Variants in ESRRG observed in about 807,000 individuals in gnomAD.
ESRRG encodes the protein estrogen-related receptor gamma.
In ESRRG, 13 loss-of-function variants were observed where a neutral mutation model predicts 44.0. The observed-to-expected ratio is 0.30, with a 90% CI of 0.19 to 0.47. ESRRG has a LOEUF of 0.47. Among genes scored for constraint, ESRRG ranks in the 20% least tolerant of loss-of-function variants. ESRRG has a pLI of 1.00. For missense variants in ESRRG, 395 were observed against 580.6 expected (o/e 0.68, Z 3.29); for synonymous variants, 215 against 214.6 (o/e 1.00, Z -0.02).
chr1:216,784,418 A>G (rs1442122413), intron 2 of ESRRG, among the ~76,000 whole-genome samples: 1 of 152,088 alleles, frequency 6.6e-6, no homozygotes, highest in East Asian at 1.9e-4. Flanking sequence ...ATAGTAAAAG[A>G]AAGAAATCCT....
chr1:216,582,765 G>A (rs1268956962), intron 3 of ESRRG, among the ~76,000 whole-genome samples: 1 of 152,124 alleles, frequency 6.6e-6, no homozygotes, highest in Non-Finnish European at 1.5e-5. Flanking sequence ...TCTTCTGTTG[G>A]CCTGGACACT....
rs571194408 is a variant in ESRRG at position 216,607,800 on chromosome 1, G to A, written c.590-39702C>T. ...TAAGTGCCTGAATATCATAATCCTTGCAATCAATTCTTTGCGTGGCTTTTT... is the reference window on the plus strand; with the variant it reads ...TAAGTGCCTGAATATCATAATCCTTACAATCAATTCTTTGCGTGGCTTTTT... On this transcript the variant is annotated intron_variant, in intron 3 of 6. Coordinates refer to ENST00000408911, the MANE Select transcript of ESRRG (RefSeq NM_001438.4). 3.3e-4 allele frequency among the ~76,000 whole-genome samples: 50 copies of A among 152,210 alleles called. No individual in the cohort carries two copies. The South Asian group carries it at 9.1e-3, about 28-fold the overall frequency.
intron 2 of ESRRG, among the ~76,000 whole-genome samples, chr1:216,793,774 C>A (rs1333652926): frequency 6.6e-6 from 1 of 152,094 alleles, no homozygotes; most frequent in Admixed American, 6.6e-5. Context: ...TTTTGCTTTT[C>A]TTCTAATTTT....
chr1:216,773,230 GA>G (rs2093455275), intron 2 of ESRRG, among the ~76,000 whole-genome samples: 1 of 152,050 alleles, frequency 6.6e-6, no homozygotes, highest in Non-Finnish European at 1.5e-5. Flanking sequence ...CAAGAGATTG[GA>G]ATTAGAAAAT....
intron 6 of ESRRG, among the ~76,000 whole-genome samples, chr1:216,512,646 C>T (rs1362914650): frequency 4.6e-5 from 7 of 151,898 alleles, no homozygotes; most frequent in African/African-American, 7.3e-5. Context: ...TCAGGGGTTA[C>T]GTTACAAGTT....
At chr1:217,076,896 G>A (rs1301404610) in intron 1 of ESRRG, 1 of 152,120 alleles carries the variant, frequency 6.6e-6, no homozygotes, top group East Asian at 1.9e-4. Context: ...GAATCACATT[G>A]GCCGCCCTTC....
chr1:216,889,172 A>G (rs895175409), intron 2 of ESRRG, among the ~76,000 whole-genome samples: 1 of 152,180 alleles, frequency 6.6e-6, no homozygotes, highest in African/African-American at 2.4e-5. Flanking sequence ...GATTGCTGAC[A>G]TCCTTCCAGT....
At chr1:216,571,528 C>A (rs2060813373) in intron 3 of ESRRG, among the ~76,000 whole-genome samples, 1 of 152,148 alleles carries the variant, frequency 6.6e-6, no homozygotes, top group South Asian at 2.1e-4. Context: ...TTCTCTTTCA[C>A]CTTCAAAAGG....
chr1:216,565,901 C>A (rs965445118), intron 4 of ESRRG, among the ~76,000 whole-genome samples: 1 of 151,944 alleles, frequency 6.6e-6, no homozygotes, highest in African/African-American at 2.4e-5. Flanking sequence ...AACCTGTCAG[C>A]AACCATTAGA....
At chr1:217,044,571 C>T (rs1255337509) in intron 1 of ESRRG, among the ~76,000 whole-genome samples, 1 of 152,140 alleles carries the variant, frequency 6.6e-6, no homozygotes, top group Non-Finnish European at 1.5e-5. Flanking sequence ...TCCATCTCAG[C>T]TTACCAGTGA....
intron 6 of ESRRG, among the ~76,000 whole-genome samples, chr1:216,517,417 C>T (rs889837445): frequency 2.0e-5 from 3 of 152,138 alleles, no homozygotes; most frequent in Non-Finnish European, 2.9e-5. Flanking sequence ...TCATAAAGTA[C>T]ACATCCAATA....
rs78384494 is a variant in ESRRG at position 216,827,398 on chromosome 1, C to G, written c.-14+112184G>C. 5.2e-3 allele frequency among the ~76,000 whole-genome samples: 796 copies of G among 152,258 alleles called. 3 individuals are homozygous for G. The highest frequency in any genetic ancestry group is 9.0e-3 in the Non-Finnish European group (610 of 68,002). On this transcript the variant is annotated intron_variant, in intron 2 of 7. Transcript: ENST00000359162. Reference sequence around the variant, plus strand: ...ATTGCTCTGGTTTGTCTTCTGATTTCTAGCATCTGACAATAACTGCAGGGA... The same window carrying G: ...ATTGCTCTGGTTTGTCTTCTGATTTGTAGCATCTGACAATAACTGCAGGGA...
At chr1:216,800,974 C>A (rs899832640) in intron 2 of ESRRG, among the ~76,000 whole-genome samples, 1 of 152,022 alleles carries the variant, frequency 6.6e-6, no homozygotes, top group Non-Finnish European at 1.5e-5. Context: ...TTCAATTTCA[C>A]ACCAATTCTT....
At chr1:216,914,099 C>T (rs113233909) in intron 2 of ESRRG, among the ~76,000 whole-genome samples, 1 of 151,896 alleles carries the variant, frequency 6.6e-6, no homozygotes, top group East Asian at 1.9e-4. Context: ...AGCTCCCCCT[C>T]CCCCCATCCT....
At chr1:216,743,751 G>T (rs2152247486) in intron 2 of ESRRG, among the ~76,000 whole-genome samples, 1 of 152,268 alleles carries the variant, frequency 6.6e-6, no homozygotes, top group East Asian at 1.9e-4. Context: ...GTGCTGCTAA[G>T]TATCACAGGT....
At chr1:216,670,724 G>A (rs545421720) in intron 2 of ESRRG, among the ~76,000 whole-genome samples, 1 of 152,170 alleles carries the variant, frequency 6.6e-6, no homozygotes, top group Non-Finnish European at 1.5e-5. Context: ...GCGTGGTCAA[G>A]GAACAGCTGT....
At chr1:217,079,784 C>G (rs1007107530) in intron 1 of ESRRG, among the ~76,000 whole-genome samples, 2 of 152,230 alleles carry the variant, frequency 1.3e-5, no homozygotes, top group South Asian at 4.1e-4. Flanking sequence ...CCTCTCAGAG[C>G]CAGGCACAGT....
chr1:216,713,396 GT>G (rs1282965916), intron 1 of ESRRG, among the ~76,000 whole-genome samples: 13 of 148,508 alleles, frequency 8.8e-5, no homozygotes, highest in Admixed American at 1.3e-4. Flanking sequence ...TCCTGTAGGA[GT>G]TTGCTCGTTC....
chr1:216,508,112 T>C (rs2041697715), intron 6 of ESRRG, among the ~76,000 whole-genome samples: 1 of 152,186 alleles, frequency 6.6e-6, no homozygotes, highest in Non-Finnish European at 1.5e-5. Flanking sequence ...ATTCTAGTTC[T>C]CTGAGAATGC....
Sources: allele counts gnomAD v4.1 joint callset (sites outside exome capture counted in the v4.1 genomes callset), GRCh38; gene constraint gnomAD v4.1.1; transcripts MANE v1.5; gene names NCBI Gene and HGNC (gene_info 2026-07-23, HGNC 2026-07-21).